The following BEND4 variants were observed in gnomAD, a reference collection of about 807,000 sequenced individuals.
BEND4 encodes the protein BEN domain containing 4, also known as BEN domain-containing protein 4.
A neutral mutation model predicts 54.7 loss-of-function variants in BEND4; 27 were observed. The ratio of observed to expected loss-of-function variants is 0.49; its 90% CI spans 0.36 to 0.68. BEND4 has a LOEUF of 0.68. Ranked by LOEUF, BEND4 falls within the 30% of genes least tolerant of loss-of-function variation. The pLI is 0.00. For missense variants in BEND4, 702 were observed against 697.2 expected (o/e 1.01, Z -0.08); for synonymous variants, 327 against 299.5 (o/e 1.09, Z -0.95).
intron 4 of BEND4, among the ~76,000 whole-genome samples, chr4:42,125,128 T>C (rs539725125): frequency 1.3e-5 from 2 of 152,302 alleles, no homozygotes; most frequent in South Asian, 2.1e-4. Flanking sequence ...GGAGAGACTG[T>C]GGTTTCTTCC....
chr4:42,144,800 A>G (rs1721021989), intron 2 of BEND4, among the ~76,000 whole-genome samples: 1 of 152,246 alleles, frequency 6.6e-6, no homozygotes, highest in Non-Finnish European at 1.5e-5. Flanking sequence ...TCAACCATTG[A>G]AAGCAAAAAG....
At position 42,125,613 on chromosome 4, in the gene BEND4, C is replaced by T. The variant is rs1260225211; in HGVS notation, c.1116G>A (p.Leu372=). 1.9e-6 allele frequency: 3 copies of T among 1,613,864 alleles called. No homozygotes were observed. The highest frequency in any genetic ancestry group is 2.5e-6 in the Non-Finnish European group (3 of 1,179,804). The part of the protein sequence containing the change: ...KMVLQHHNQL[L]IPQPADQPTE... ...TCGGCTGGTCAGCTGGCTGTGGTAT[C>T]AGGAGTTGGTTGTGGTGCTGCAGAA... is the stretch of plus-strand genomic sequence containing the variant. The change falls in exon 4 of 6, where the codon CTG becomes CTA. Residue 372 remains leucine, a synonymous_variant. Coordinates refer to ENST00000502486, the MANE Select transcript of BEND4 (RefSeq NM_207406.4).
At chr4:42,134,290 CT>C (rs1720615246) in intron 3 of BEND4, among the ~76,000 whole-genome samples, 2 of 152,220 alleles carry the variant, frequency 1.3e-5, no homozygotes, top group Admixed American at 1.3e-4. Flanking sequence ...TCCACATACA[CT>C]TTCATAGGGC....
At chr4:42,122,152 C>T (rs911390520) in intron 4 of BEND4, among the ~76,000 whole-genome samples, 6 of 152,278 alleles carry the variant, frequency 3.9e-5, no homozygotes, top group South Asian at 4.1e-4. Flanking sequence ...ATGACCAGCC[C>T]GAAGCACCTG....
chr4:42,131,595 T>A (rs1031130304), intron 3 of BEND4, among the ~76,000 whole-genome samples: 1 of 152,178 alleles, frequency 6.6e-6, no homozygotes, highest in African/African-American at 2.4e-5. Flanking sequence ...TTTCTTTCCA[T>A]GCACAACATT....
Position 42,136,625 on chromosome 4 carries a change from CTG to C in BEND4, c.1054+6801_1054+6802del, listed in dbSNP as rs1379080266. Among the ~76,000 whole-genome samples, 4 of 152,232 alleles carry C rather than the reference CTG, an allele frequency of 2.6e-5. No individual in the cohort carries two copies. The East Asian group carries it at 7.7e-4, about 29-fold the overall frequency. ...TGCATTCTTGTTTCAGCTCTCGTAA[CTG>C]TAAACAAGTGTCCTCACCATGGTCT... On this transcript the variant is annotated intron_variant, in intron 3 of 5. Coordinates refer to ENST00000502486, the MANE Select transcript of BEND4 (RefSeq NM_207406.4).
At chr4:42,139,812 C>G (rs1720824184) in intron 3 of BEND4, among the ~76,000 whole-genome samples, 1 of 152,152 alleles carries the variant, frequency 6.6e-6, no homozygotes, top group Admixed American at 6.6e-5. Flanking sequence ...AAGAAAGCCC[C>G]AGGTCCTTCC....
At chr4:42,136,577 T>C (rs1304592994) in intron 3 of BEND4, among the ~76,000 whole-genome samples, 2 of 152,262 alleles carry the variant, frequency 1.3e-5, no homozygotes, top group Non-Finnish European at 2.9e-5. Context: ...CATTCCCAGC[T>C]GAAGCTTAAC....
intron 2 of BEND4, among the ~76,000 whole-genome samples, chr4:42,148,085 T>C (rs1376121738): frequency 6.6e-6 from 1 of 152,220 alleles, no homozygotes; most frequent in Non-Finnish European, 1.5e-5. Context: ...TCATATGTTA[T>C]ATCTACCCAA....
In BEND4 at chr4:42,143,470, G is replaced by C; in HGVS notation, c.1012C>G (p.Gln338Glu). ...TTCCTTCTGAGCTCTTCATTTTCTT[G>C]TTGCAGTGAAATAACCTCCTGCTCC... ...ELEQEVISLQQENEELRRKLE... is the reference protein window; with the variant it reads ...ELEQEVISLQEENEELRRKLE... Residue 338 changes from glutamine (Q) to glutamate (E), a missense_variant, in exon 3 of 6, where the codon CAA (glutamine) becomes GAA (glutamate). Gln to Glu is a conservative substitution (Grantham distance 29, BLOSUM62 2). Coordinates refer to ENST00000502486, the MANE Select transcript of BEND4 (RefSeq NM_207406.4). 6.4e-7 allele frequency: 1 copy of C among 1,552,230 alleles called. No homozygotes were observed. Among genetic ancestry groups the C allele is most frequent in the South Asian group, 1.2e-5 (1 of 84,068 alleles).
chr4:42,150,950 C>G (rs1721248678), intron 2 of BEND4: 1 of 152,156 alleles, frequency 6.6e-6, no homozygotes, highest in Non-Finnish European at 1.5e-5. Flanking sequence ...GCCTGCGACT[C>G]CCGGGGCAGG....
chr4:42,140,915 C>T (rs1338238822), intron 3 of BEND4, among the ~76,000 whole-genome samples: 1 of 152,262 alleles, frequency 6.6e-6, no homozygotes, highest in African/African-American at 2.4e-5. Flanking sequence ...CTCTACGACA[C>T]GATTTTCTGC....
chr4:42,140,873 G>A (rs1455392563), intron 3 of BEND4, among the ~76,000 whole-genome samples: 1 of 152,236 alleles, frequency 6.6e-6, no homozygotes, highest in Non-Finnish European at 1.5e-5. Flanking sequence ...ATGGTTCTGA[G>A]TGGCTGATGA....
In BEND4 at chr4:42,152,146, G is replaced by C; in HGVS notation, c.-3C>G. 8.1e-7 allele frequency: 1 copy of C among 1,242,184 alleles called. No homozygotes were observed. The highest frequency in any genetic ancestry group is 1.0e-6 in the Non-Finnish European group (1 of 984,900). The allele number at this position is 1,242,184 out of a possible 1,614,324, so 76.9% of individuals were successfully genotyped here. ...GCCGGCTGCATCTCTTCCTCCATCC[G>C]GCGCCTCGGGGCCGGTCCCTCGGAG... On this transcript the variant is annotated 5_prime_UTR_variant, in exon 2 of 6. Transcript: ENST00000502486.
At chr4:42,130,251 C>T (rs572315301) in intron 3 of BEND4, among the ~76,000 whole-genome samples, 31 of 152,092 alleles carry the variant, frequency 2.0e-4, no homozygotes, top group African/African-American at 5.8e-4. Flanking sequence ...GAGGCCGAGG[C>T]GGGCGGATCA....
In BEND4 at chr4:42,115,742, G is replaced by T. The variant is rs1384315488; in HGVS notation, c.*1776C>A. On this transcript the variant is annotated 3_prime_UTR_variant, in exon 6 of 6. Transcript: ENST00000502486. ...CTTCCTTGGAGAGCCAAAGAGACTG[G>T]TCTCATGGCTGCCGTAAGAACATGG... is the stretch of plus-strand genomic sequence containing the variant. The T allele has an allele frequency of 6.6e-6, 1 of 152,162 alleles. No individual in the cohort carries two copies. Among genetic ancestry groups the T allele is most frequent in the Admixed American group, 6.5e-5 (1 of 15,290 alleles). 9.4% of individuals were successfully genotyped at this position (152,162 alleles called of 1,614,324 possible). A position where few individuals can be genotyped will look rare whatever the true frequency, so the allele number is the denominator to read the frequency against.
chr4:42,127,856 C>T (rs773479831), intron 3 of BEND4, among the ~76,000 whole-genome samples: 9 of 152,170 alleles, frequency 5.9e-5, no homozygotes, highest in African/African-American at 9.7e-5. Context: ...TGATCCCTCA[C>T]CCATATTTTA....
intron 2 of BEND4, among the ~76,000 whole-genome samples, chr4:42,147,745 G>T (rs561032004): frequency 1.3e-5 from 2 of 151,966 alleles, no homozygotes; most frequent in African/African-American, 4.8e-5. Flanking sequence ...CTGAACCCAT[G>T]ATTATTTTTT....
chr4:42,142,520 C>A (rs1577765381), intron 3 of BEND4, among the ~76,000 whole-genome samples: 1 of 150,770 alleles, frequency 6.6e-6, no homozygotes, highest in East Asian at 2.0e-4. Flanking sequence ...GTAATCCCAG[C>A]TACTCGGGAG....
Sources: allele counts gnomAD v4.1 joint callset (sites outside exome capture counted in the v4.1 genomes callset), GRCh38; gene constraint gnomAD v4.1.1; transcripts MANE v1.5; gene names NCBI Gene and HGNC (gene_info 2026-07-23, HGNC 2026-07-21).